Variants in FLT1 observed in about 807,000 individuals in gnomAD.
FLT1 encodes the protein fms related receptor tyrosine kinase 1.
Under a neutral mutation model 156.3 loss-of-function variants are expected in FLT1, and 49 were observed. That is an observed-to-expected ratio of 0.31 (90% CI 0.25 to 0.40). FLT1 has a LOEUF of 0.40. Ranked by LOEUF, FLT1 falls within the 10% of genes least tolerant of loss-of-function variation. The probability of loss-of-function intolerance (pLI) is 1.00; values close to 1 mark genes in which losing one functional copy is unlikely to be tolerated. For missense variants in FLT1, 1,322 were observed against 1,637.2 expected (o/e 0.81, Z 3.32); for synonymous variants, 594 against 583.8 (o/e 1.02, Z -0.25).
intron 10 of FLT1, among the ~76,000 whole-genome samples, chr13:28,413,456 C>T (rs1341996203): frequency 6.6e-6 from 1 of 151,428 alleles, no homozygotes; most frequent in Non-Finnish European, 1.5e-5. Flanking sequence ...TCCTCGTGGC[C>T]CCGCACTGGG....
Position 28,438,385 on chromosome 13 carries a change from A to G in FLT1, c.389-40T>C, listed in dbSNP as rs751375764. 6 of 1,529,660 alleles carry G rather than the reference A, an allele frequency of 3.9e-6. No homozygotes were observed. In the South Asian group the frequency reaches 5.6e-5, roughly 14 times the overall value. The allele number at this position is 1,529,660 out of a possible 1,614,324, so 94.8% of individuals were successfully genotyped here. On this transcript the variant is annotated intron_variant, in intron 3 of 29. Transcript: ENST00000282397. ...AATGAAAAAAATATATACATAAATG[A>G]TTGACATGCAAGCATCTAGACACTG...
intron 27 of FLT1, 138 bp downstream of exon 27, chr13:28,311,452 A>ATCTT (rs371755470): frequency 3.2e-5 from 26 of 804,414 alleles, no homozygotes; most frequent in Admixed American, 5.4e-5. Flanking sequence ...GATCAACATA[A>ATCTT]TCTTTCTTTC....
chr13:28,349,454 A>G (rs973386460), intron 15 of FLT1, among the ~76,000 whole-genome samples: 10 of 148,946 alleles, frequency 6.7e-5, no homozygotes, highest in South Asian at 2.1e-4. Context: ...ACACACACAC[A>G]CACACATGCG....
intron 12 of FLT1, among the ~76,000 whole-genome samples, chr13:28,394,842 T>C (rs1874946288): frequency 6.6e-6 from 1 of 152,282 alleles, no homozygotes; most frequent in African/African-American, 2.4e-5. Flanking sequence ...CTGATTTAAA[T>C]CTGCTTCTAG....
At chr13:28,433,428 G>A (rs571017890) in intron 6 of FLT1, among the ~76,000 whole-genome samples, 18 of 152,322 alleles carry the variant, frequency 1.2e-4, no homozygotes, top group Admixed American at 2.6e-4. Context: ...TGCGCTGACA[G>A]AGACAGCCTC....
rs1433757566 is a variant in FLT1 at position 28,439,766 on chromosome 13, G to A, written c.389-1421C>T. ...CAAGCCAAAGAATGCCAAGGATTGC[G>A]GGCAACCACCAGCATGTAGGAAGAG... On this transcript the variant is annotated intron_variant, in intron 3 of 29. Transcript: ENST00000282397. This position sits in a 1 kb window ranked among gnomAD's most constrained non-coding sequence, Gnocchi z 4.1. 6.6e-6 allele frequency among the ~76,000 whole-genome samples: 1 copy of A among 152,148 alleles called. No homozygotes were observed. The highest frequency in any genetic ancestry group is 2.4e-5 in the African/African-American group (1 of 41,440).
At chr13:28,370,883 T>C (rs1873528971) in intron 14 of FLT1, among the ~76,000 whole-genome samples, 1 of 152,190 alleles carries the variant, frequency 6.6e-6, no homozygotes, top group Non-Finnish European at 1.5e-5. Context: ...GGGCTTTTTT[T>C]GTGTGTGATG....
intron 4 of FLT1, among the ~76,000 whole-genome samples, chr13:28,437,691 T>C (rs1316784820): frequency 2.0e-5 from 3 of 152,208 alleles, no homozygotes; most frequent in Admixed American, 1.3e-4. Context: ...ACGTATGGCC[T>C]TCTTTCCTCC....
In FLT1 at chr13:28,319,396, T is replaced by C. The variant is rs144226669; in HGVS notation, c.3286+27A>G. On this transcript the variant is annotated intron_variant, in intron 24 of 29. Transcript: ENST00000282397. ...ATGCAGACATTTATTTCTGGGCTGT[T>C]TGATTTCTTCCTTCTCCCAAATTTA... 1.5e-4 allele frequency: 215 copies of C among 1,432,320 alleles called. No individual in the cohort carries two copies. In the East Asian group the frequency reaches 4.6e-3, roughly 30 times the overall value. The allele number at this position is 1,432,320 out of a possible 1,614,324, so 88.7% of individuals were successfully genotyped here.
At chr13:28,411,223 C>T (rs544068527) in intron 10 of FLT1, among the ~76,000 whole-genome samples, 12 of 151,720 alleles carry the variant, frequency 7.9e-5, no homozygotes, top group African/African-American at 7.3e-5. Flanking sequence ...TATAGGAACT[C>T]TTTACCTTCT....
intron 10 of FLT1, among the ~76,000 whole-genome samples, chr13:28,420,379 T>C (rs1396233496): frequency 6.6e-6 from 1 of 152,182 alleles, no homozygotes; most frequent in South Asian, 2.1e-4. Context: ...GTTTTGTTTG[T>C]GGTAAATTAA....
At chr13:28,437,764 C>T (rs1017018582) in intron 4 of FLT1, among the ~76,000 whole-genome samples, 3 of 152,174 alleles carry the variant, frequency 2.0e-5, no homozygotes, top group Non-Finnish European at 2.9e-5. Context: ...TCACAAGGAA[C>T]TTGCCAATTC....
intron 14 of FLT1, among the ~76,000 whole-genome samples, chr13:28,361,947 TAGA>T (rs375422579): frequency 1.6e-4 from 25 of 152,306 alleles, no homozygotes; most frequent in African/African-American, 5.8e-4. Flanking sequence ...ACGTTCAGTC[TAGA>T]AGGAGAATAC....
chr13:28,481,853 G>A (rs937689446), intron 1 of FLT1, among the ~76,000 whole-genome samples: 7 of 152,140 alleles, frequency 4.6e-5, no homozygotes, highest in African/African-American at 1.7e-4. Context: ...CAACATAAGT[G>A]ATTTATCTTA....
At chr13:28,467,897 T>C (rs890973505) in intron 1 of FLT1, among the ~76,000 whole-genome samples, 51 of 152,158 alleles carry the variant, frequency 3.4e-4, no homozygotes, top group African/African-American at 1.2e-3. Flanking sequence ...AATGGATTCA[T>C]ATAGGTTCAA....
rs551731945 is a variant in FLT1, at chr13:28,456,740, G to A, written c.388+10163C>T. ...GAACCCTGGAGGCAGAGGTTGCAGT[G>A]AGCTGAGATTGCACCACTGCCCTCC... On this transcript the variant is annotated intron_variant, in intron 3 of 29. Transcript: ENST00000282397. 5.3e-5 allele frequency among the ~76,000 whole-genome samples: 8 copies of A among 151,742 alleles called. No homozygotes were observed. In the South Asian group the frequency reaches 1.0e-3, roughly 20 times the overall value.
chr13:28,332,742 GATA>G (rs1566290741), intron 18 of FLT1, among the ~76,000 whole-genome samples: 1 of 152,166 alleles, frequency 6.6e-6, no homozygotes, highest in Non-Finnish European at 1.5e-5. Context: ...GCAAACTGAG[GATA>G]ATAATGTCTA....
intron 1 of FLT1, among the ~76,000 whole-genome samples, chr13:28,482,250 C>G (rs1178400436): frequency 3.3e-5 from 5 of 152,084 alleles, no homozygotes; most frequent in African/African-American, 9.7e-5. Flanking sequence ...ACCAGCCTGA[C>G]CAACATGAAG....
At chr13:28,380,769 A>G (rs995417498) in intron 14 of FLT1, among the ~76,000 whole-genome samples, 2 of 152,150 alleles carry the variant, frequency 1.3e-5, no homozygotes, top group African/African-American at 2.4e-5. Flanking sequence ...GATGCCTTCC[A>G]GTGAATTCTG....
Sources: gnomAD v4.1 joint callset for allele counts (sites outside exome capture counted in the v4.1 genomes callset) on GRCh38, gnomAD v4.1.1 for gene constraint, Gnocchi (gnomAD v3.1) non-coding constraint, MANE v1.5 for transcripts, NCBI Gene and HGNC (gene_info 2026-07-23, HGNC 2026-07-21) for gene names.